Variants in IFT70B observed in about 807,000 individuals in gnomAD.
IFT70B encodes the protein intraflagellar transport 70B, also known as intraflagellar transport protein 70B.
chr2:177,551,279 A>G, the IFT70B span: 1,041 of 1,613,404 alleles, frequency 6.5e-4, no homozygotes, highest in Middle Eastern at 1.7e-3. Flanking sequence ...TAGCACTGAC[A>G]TTCAGGATGT....
chr2:177,551,433 T>C, the IFT70B span: 1 of 1,614,316 alleles, frequency 6.2e-7, no homozygotes, highest in Non-Finnish European at 8.5e-7. Flanking sequence ...GAAGATCTTT[T>C]CCACCATTGG....
At chr2:177,552,734 G>C in the IFT70B span, 161 of 1,582,308 alleles carry the variant, frequency 1.0e-4, no homozygotes, top group African/African-American at 1.9e-3. Flanking sequence ...ACTCCCCGTC[G>C]GGGATCTGCG....
chr2:177,550,939 T>TC, the IFT70B span: 2 of 1,614,082 alleles, frequency 1.2e-6, no homozygotes, highest in Non-Finnish European at 1.7e-6. Flanking sequence ...CATTCTTGAA[T>TC]AACACTATCA....
chr2:177,550,727 A>T, the IFT70B span: 1 of 1,512,882 alleles, frequency 6.6e-7, no homozygotes, highest in Non-Finnish European at 8.9e-7. Context: ...GCAAATTTAC[A>T]TAACAAAGCC....
At chr2:177,552,674 C>G in the IFT70B span, 4 of 1,593,666 alleles carry the variant, frequency 2.5e-6, no homozygotes, top group Non-Finnish European at 3.4e-6. Context: ...GCAGCTGCAC[C>G]GCCTCGGCGT....
chr2:177,550,697 C>T, the IFT70B span: 5 of 1,360,456 alleles, frequency 3.7e-6, no homozygotes, highest in South Asian at 7.3e-5. Flanking sequence ...ATAAAGATGC[C>T]AAAGGGTAAA....
chr2:177,552,271 A>C, the IFT70B span: 1 of 1,614,222 alleles, frequency 6.2e-7, no homozygotes, highest in Admixed American at 1.7e-5. Flanking sequence ...CCCTCCTTGT[A>C]GAGCAAACAA....
At chr2:177,550,858 C>T in the IFT70B span, 2 of 1,614,110 alleles carry the variant, frequency 1.2e-6, no homozygotes, top group Non-Finnish European at 1.7e-6. Flanking sequence ...ATTCTTTCTT[C>T]TTCCAGGGGT....
chr2:177,550,819 CAT>C, the IFT70B span: 1 of 1,613,996 alleles, frequency 6.2e-7, no homozygotes. Context: ...TGCCTAGACT[CAT>C]ATGTGACTGT....
At chr2:177,552,699 A>T in the IFT70B span, 1 of 1,599,308 alleles carries the variant, frequency 6.3e-7, no homozygotes, top group Non-Finnish European at 8.5e-7. Context: ...TGCATTGCGG[A>T]TGAGGCGGTA....
At chr2:177,552,724 A>G in the IFT70B span, 1 of 1,588,846 alleles carries the variant, frequency 6.3e-7, no homozygotes, top group Non-Finnish European at 8.6e-7. Context: ...ACCGCGGTGA[A>G]CTCCCCGTCG....
the IFT70B span, chr2:177,552,302 G>C: frequency 1.2e-6 from 2 of 1,614,096 alleles, no homozygotes; most frequent in African/African-American, 2.7e-5. Flanking sequence ...TCTGGCCATC[G>C]GTCTCATTCT....
At chr2:177,552,502 C>T in the IFT70B span, 1 of 1,605,476 alleles carries the variant, frequency 6.2e-7, no homozygotes, top group Non-Finnish European at 8.5e-7. Flanking sequence ...TTGTACAGGG[C>T]CTGGGCCTGG....
the IFT70B span, chr2:177,551,670 A>AAGCTCTT: frequency 6.2e-7 from 1 of 1,614,238 alleles, no homozygotes; most frequent in Non-Finnish European, 8.5e-7. Context: ...GCAAGTGATC[A>AAGCTCTT]CAGCGTCCAA....
the IFT70B span, chr2:177,552,639 G>C: frequency 2.5e-6 from 4 of 1,589,498 alleles, no homozygotes; most frequent in African/African-American, 2.7e-5. Flanking sequence ...GCGGCTCCTA[G>C]GGCTCCGCTG....
chr2:177,551,694 T>C, the IFT70B span: 1 of 1,614,216 alleles, frequency 6.2e-7, no homozygotes, highest in Non-Finnish European at 8.5e-7. Flanking sequence ...GTCATAGAGA[T>C]AGGGTGTGAG....
At chr2:177,550,670 T>C in the IFT70B span, 1 of 1,178,826 alleles carries the variant, frequency 8.5e-7, no homozygotes, top group South Asian at 1.6e-5. Flanking sequence ...GTGTACAAAG[T>C]TCAACATGTA....
At chr2:177,551,094 T>A in the IFT70B span, 1 of 1,614,208 alleles carries the variant, frequency 6.2e-7, no homozygotes, top group Non-Finnish European at 8.5e-7. Context: ...ATAATTTCCT[T>A]TGGCACAATA....
chr2:177,551,618 T>C, the IFT70B span: 3 of 1,614,224 alleles, frequency 1.9e-6, no homozygotes, highest in Non-Finnish European at 1.7e-6. Context: ...GCATCCCTGC[T>C]AGCCCATCAA....
Sources: allele counts gnomAD v4.1 joint callset, GRCh38; gene constraint gnomAD v4.1.1; transcripts MANE v1.5; gene names NCBI Gene and HGNC (gene_info 2026-07-23, HGNC 2026-07-21).